The following CCSER2 variants were observed in gnomAD, a reference collection of about 807,000 sequenced individuals.
CCSER2 encodes the protein coiled-coil serine rich protein 2.
CCSER2 carries 46 observed loss-of-function variants against 92.3 expected under a neutral mutation model. The ratio of observed to expected loss-of-function variants is 0.50; its 90% confidence interval spans 0.39 to 0.64. CCSER2 has a LOEUF of 0.64. Ranked by LOEUF, CCSER2 falls within the 30% of genes least tolerant of loss-of-function variation. The pLI is 0.00. For missense variants in CCSER2, 1,244 were observed against 1,238.9 expected (o/e 1.00, Z -0.06); for synonymous variants, 433 against 431.4 (o/e 1.00, Z -0.04).
intron 4 of CCSER2, among the ~76,000 whole-genome samples, chr10:84,421,947 C>G (rs574435817): frequency 6.6e-6 from 1 of 152,310 alleles, no homozygotes; most frequent in East Asian, 1.9e-4. Flanking sequence ...CAAGGCCTGT[C>G]TGTTCAGATT....
intron 1 of CCSER2, among the ~76,000 whole-genome samples, chr10:84,353,084 G>A (rs1313085864): frequency 2.0e-5 from 3 of 152,158 alleles, no homozygotes; most frequent in Admixed American, 6.5e-5. Context: ...GAGCCACCGC[G>A]CCCAGCCTAA....
At chr10:84,501,837 ATAT>A (rs1848758709) in intron 9 of CCSER2, among the ~76,000 whole-genome samples, 4 of 74,588 alleles carry the variant, frequency 5.4e-5, no homozygotes, top group South Asian at 4.4e-4. Flanking sequence ...AAAAAAAAAT[ATAT>A]ATATATATAT....
At chr10:84,502,952 C>T (rs574531216) in intron 9 of CCSER2, among the ~76,000 whole-genome samples, 138 of 152,156 alleles carry the variant, frequency 9.1e-4, no homozygotes, top group African/African-American at 3.2e-3. Flanking sequence ...AGGCGAGGCG[C>T]GGTGGCTCAC....
intron 8 of CCSER2, among the ~76,000 whole-genome samples, chr10:84,470,679 C>A (rs1336609559): frequency 6.6e-6 from 1 of 151,906 alleles, no homozygotes; most frequent in Non-Finnish European, 1.5e-5. Flanking sequence ...GATTCAGCGA[C>A]CTCAGTTTTG....
chr10:84,406,323 G>A (rs1842374440), intron 3 of CCSER2, among the ~76,000 whole-genome samples: 1 of 152,144 alleles, frequency 6.6e-6, no homozygotes, highest in Admixed American at 6.6e-5. Flanking sequence ...TGAAGAAACT[G>A]TTCTGCATCC....
chr10:84,341,399 G>T (rs1451800558), intron 1 of CCSER2, among the ~76,000 whole-genome samples: 2 of 142,472 alleles, frequency 1.4e-5, no homozygotes, highest in Non-Finnish European at 3.0e-5. Flanking sequence ...TGCCTGGGCT[G>T]GTCTCAAACT....
intron 9 of CCSER2, among the ~76,000 whole-genome samples, chr10:84,487,555 G>A (rs1232038934): frequency 6.6e-6 from 1 of 152,134 alleles, no homozygotes; most frequent in Non-Finnish European, 1.5e-5. Context: ...TGTTATTGGT[G>A]TATAAGAATG....
intron 1 of CCSER2, among the ~76,000 whole-genome samples, chr10:84,348,279 C>T (rs1330109970): frequency 2.0e-5 from 3 of 152,246 alleles, no homozygotes; most frequent in Admixed American, 2.0e-4. Context: ...AGCGAAACCC[C>T]GTCTCCACCA....
rs192495997 is a variant in CCSER2 at position 84,426,514 on chromosome 10, C to T, written c.1868+621C>T. The stretch of plus-strand genomic sequence containing the variant: ...CTGCTTCACTTTACTATCTTTAAAA[C>T]ATAATTAATAATATCTTTATCTCAG... On this transcript the variant is annotated intron_variant, in intron 5 of 9. Transcript: ENST00000372088. Among the ~76,000 whole-genome samples, 6 of 152,238 alleles carry T rather than the reference C, an allele frequency of 3.9e-5. No homozygotes were observed. The East Asian group carries it at 9.6e-4, about 24-fold the overall frequency.
At chr10:84,359,493 A>T (rs550286332) in intron 1 of CCSER2, among the ~76,000 whole-genome samples, 1 of 152,344 alleles carries the variant, frequency 6.6e-6, no homozygotes, top group South Asian at 2.1e-4. Flanking sequence ...ATTGCTGAGC[A>T]CTATATCTAA....
intron 3 of CCSER2, among the ~76,000 whole-genome samples, chr10:84,383,527 G>A (rs550452521): frequency 3.3e-4 from 50 of 152,140 alleles, no homozygotes; most frequent in African/African-American, 1.2e-3. Context: ...AGCCAGGATG[G>A]TCTCGATCTC....
chr10:84,495,247 A>T (rs1018789111), intron 9 of CCSER2, among the ~76,000 whole-genome samples: 1 of 149,676 alleles, frequency 6.7e-6, no homozygotes, highest in Non-Finnish European at 1.5e-5. Flanking sequence ...GAATGTTAGT[A>T]TCCAAGTGTT....
intron 3 of CCSER2, among the ~76,000 whole-genome samples, chr10:84,376,145 G>T (rs887729498): frequency 2.6e-5 from 4 of 152,122 alleles, no homozygotes; most frequent in Non-Finnish European, 2.9e-5. Flanking sequence ...TCATGTCAAG[G>T]ATCCCAACAA....
intron 9 of CCSER2, among the ~76,000 whole-genome samples, chr10:84,504,390 G>C (rs567613856): frequency 1.3e-5 from 2 of 151,396 alleles, no homozygotes; most frequent in Non-Finnish European, 2.9e-5. Context: ...AATATTAATA[G>C]AGTGGCTTAA....
intron 1 of CCSER2, among the ~76,000 whole-genome samples, chr10:84,355,430 T>C (rs1845112612): frequency 6.6e-6 from 1 of 152,206 alleles, no homozygotes; most frequent in Non-Finnish European, 1.5e-5. Context: ...TTACCATTTA[T>C]CTTTTGAAAC....
Position 84,513,441 on chromosome 10 carries a change from T to G in CCSER2, c.2326-8T>G. On this transcript the variant is annotated splice_polypyrimidine_tract_variant and splice_region_variant and intron_variant, in intron 9 of 9. Coordinates refer to ENST00000372088, the MANE Select transcript of CCSER2 (RefSeq NM_001284240.2). ...ACTTGCTGCTAATGTTGTTTTTAAT[T>G]TTAACAGCCTCAAGTACTACAGCCT... is the stretch of plus-strand genomic sequence containing the variant. 6.4e-7 allele frequency: 1 copy of G among 1,565,824 alleles called. No homozygotes were observed. The highest frequency in any genetic ancestry group is 1.7e-4 in the Middle Eastern group (1 of 5,804).
intron 3 of CCSER2, among the ~76,000 whole-genome samples, chr10:84,410,704 A>T (rs889740326): frequency 3.9e-5 from 6 of 152,130 alleles, no homozygotes; most frequent in African/African-American, 1.4e-4. Flanking sequence ...TTTTTCTCCC[A>T]TTCCATAGGT....
chr10:84,352,306 A>G (rs1312853442), intron 1 of CCSER2, among the ~76,000 whole-genome samples: 2 of 144,908 alleles, frequency 1.4e-5, no homozygotes, highest in African/African-American at 5.0e-5. Context: ...CTGTCTCAAA[A>G]AAAACAAAAA....
At chr10:84,350,816 G>A (rs1378260241) in intron 1 of CCSER2, among the ~76,000 whole-genome samples, 1 of 152,130 alleles carries the variant, frequency 6.6e-6, no homozygotes, top group Non-Finnish European at 1.5e-5. Context: ...GACAGCAACC[G>A]TTATGTGTGC....
Sources: allele counts gnomAD v4.1 joint callset (sites outside exome capture counted in the v4.1 genomes callset), GRCh38; gene constraint gnomAD v4.1.1; transcripts MANE v1.5; gene names NCBI Gene and HGNC (gene_info 2026-07-23, HGNC 2026-07-21).